Variants in SSBP2 observed in about 807,000 individuals in gnomAD.
The protein encoded by SSBP2 is single-stranded DNA-binding protein 2.
SSBP2 carries 17 observed loss-of-function variants against 61.8 expected under a neutral mutation model. That is an observed-to-expected ratio of 0.28 (90% confidence interval 0.19 to 0.41). SSBP2 has a LOEUF of 0.41. Among genes scored for constraint, SSBP2 ranks in the 10% least tolerant of loss-of-function variants. The pLI is 1.00. For missense variants in SSBP2, 310 were observed against 458.7 expected (o/e 0.68, Z 2.96); for synonymous variants, 139 against 141.3 (o/e 0.98, Z 0.12).
chr5:81,683,795 T>C (rs926235263), intron 1 of SSBP2, among the ~76,000 whole-genome samples: 2 of 151,984 alleles, frequency 1.3e-5, no homozygotes, highest in African/African-American at 2.4e-5. Context: ...GATTAAAAAA[T>C]GAACAAAAAA....
intron 1 of SSBP2, among the ~76,000 whole-genome samples, chr5:81,722,124 G>T (rs967636875): frequency 2.6e-5 from 4 of 151,972 alleles, no homozygotes; most frequent in African/African-American, 9.7e-5. Flanking sequence ...TTTTCTAAAA[G>T]ATTTTACAAA....
intron 1 of SSBP2, among the ~76,000 whole-genome samples, chr5:81,701,135 T>G (rs1266542314): frequency 6.6e-6 from 1 of 152,252 alleles, no homozygotes; most frequent in Admixed American, 6.5e-5. Context: ...GACATATGAT[T>G]CTTCCTTTCA....
chr5:81,450,520 C>T (rs1413293712), intron 10 of SSBP2, among the ~76,000 whole-genome samples: 1 of 152,206 alleles, frequency 6.6e-6, no homozygotes, highest in Non-Finnish European at 1.5e-5. Flanking sequence ...TTGCAGTTCA[C>T]CGCCTTGCTT....
At chr5:81,493,471 G>A (rs1034778217) in intron 5 of SSBP2, among the ~76,000 whole-genome samples, 9 of 151,772 alleles carry the variant, frequency 5.9e-5, no homozygotes, top group Non-Finnish European at 1.3e-4. Context: ...AAAAAAAATT[G>A]CAGGCCGGAC....
intron 1 of SSBP2, among the ~76,000 whole-genome samples, chr5:81,738,493 A>G (rs949252514): frequency 6.6e-6 from 1 of 152,150 alleles, no homozygotes; most frequent in South Asian, 2.1e-4. Flanking sequence ...AAAGCTACAT[A>G]TCCAAGTTCC....
chr5:81,668,261 A>AG (rs1303936609), intron 1 of SSBP2, among the ~76,000 whole-genome samples: 1 of 149,872 alleles, frequency 6.7e-6, no homozygotes, highest in Non-Finnish European at 1.5e-5. Context: ...AAAAAAAAAA[A>AG]AAAAAAAAAA....
chr5:81,708,316 A>G (rs1754540143), intron 1 of SSBP2, among the ~76,000 whole-genome samples: 1 of 152,168 alleles, frequency 6.6e-6, no homozygotes, highest in African/African-American at 2.4e-5. Context: ...CAGCAGATAC[A>G]TATCTTTGTA....
intron 8 of SSBP2, 111 bp downstream of exon 8, chr5:81,473,589 A>G (rs1580773746): frequency 2.2e-6 from 2 of 914,170 alleles, no homozygotes; most frequent in East Asian, 2.5e-5. Context: ...TTATGGCTGC[A>G]TAGTATTCCA....
chr5:81,430,225 T>C (rs1054398291), intron 15 of SSBP2, among the ~76,000 whole-genome samples: 5 of 152,180 alleles, frequency 3.3e-5, no homozygotes, highest in Non-Finnish European at 7.4e-5. Context: ...TAAAAAATAT[T>C]GTAAGATTTA....
chr5:81,712,732 T>TG (rs1270769470), intron 1 of SSBP2, among the ~76,000 whole-genome samples: 1 of 150,492 alleles, frequency 6.6e-6, no homozygotes, highest in African/African-American at 2.5e-5. Context: ...TTCTTTGTTT[T>TG]TTTTTTTTTG....
At chr5:81,426,209 AT>A (rs1203170873) in intron 16 of SSBP2, among the ~76,000 whole-genome samples, 3 of 152,102 alleles carry the variant, frequency 2.0e-5, no homozygotes, top group African/African-American at 7.2e-5. Flanking sequence ...TTATTGCTTG[AT>A]TTTATAAAAA....
intron 10 of SSBP2, among the ~76,000 whole-genome samples, chr5:81,451,586 C>A (rs1763775890): frequency 6.6e-6 from 1 of 152,054 alleles, no homozygotes; most frequent in Non-Finnish European, 1.5e-5. Flanking sequence ...GCTATCACGC[C>A]CGGCTAATTT....
intron 5 of SSBP2, among the ~76,000 whole-genome samples, chr5:81,512,439 G>A (rs1184531297): frequency 6.6e-6 from 1 of 152,164 alleles, no homozygotes; most frequent in Non-Finnish European, 1.5e-5. Flanking sequence ...GTTGTTAAGT[G>A]TAAGCTTTTA....
At chr5:81,453,380 A>G (rs1763906340) in intron 10 of SSBP2, among the ~76,000 whole-genome samples, 1 of 152,174 alleles carries the variant, frequency 6.6e-6, no homozygotes, top group Non-Finnish European at 1.5e-5. Flanking sequence ...GAAAAATATA[A>G]AAAGTCAAGC....
intron 9 of SSBP2, among the ~76,000 whole-genome samples, chr5:81,466,508 ATATG>A (rs528723055): frequency 6.6e-6 from 1 of 152,050 alleles, no homozygotes; most frequent in East Asian, 1.9e-4. Context: ...AAAAGTAGAG[ATATG>A]TATGTATTTA....
chr5:81,478,839 T>C (rs1044487348), intron 6 of SSBP2, among the ~76,000 whole-genome samples: 3 of 152,214 alleles, frequency 2.0e-5, no homozygotes, highest in Admixed American at 1.3e-4. Context: ...ACTTAACTTC[T>C]GTCTCATTAT....
At chr5:81,547,203 T>C (rs1449737502) in intron 4 of SSBP2, among the ~76,000 whole-genome samples, 3 of 152,086 alleles carry the variant, frequency 2.0e-5, no homozygotes, top group African/African-American at 4.8e-5. Context: ...AGTTTGGCAG[T>C]TTCTTACAAA....
At chr5:81,531,613 A>C (rs539672056) in intron 4 of SSBP2, among the ~76,000 whole-genome samples, 1 of 152,222 alleles carries the variant, frequency 6.6e-6, no homozygotes, top group Non-Finnish European at 1.5e-5. Context: ...GCTAGATTAC[A>C]ATATATGAAG....
intron 4 of SSBP2, among the ~76,000 whole-genome samples, chr5:81,553,691 AAT>A (rs1242889914): frequency 1.3e-5 from 2 of 152,172 alleles, no homozygotes; most frequent in African/African-American, 4.8e-5. Context: ...GGCAGCAGGA[AAT>A]AGAGGCAGCA....
Sources: gnomAD v4.1 joint callset for allele counts (sites outside exome capture counted in the v4.1 genomes callset) on GRCh38, gnomAD v4.1.1 for gene constraint, MANE v1.5 for transcripts, NCBI Gene and HGNC (gene_info 2026-07-23, HGNC 2026-07-21) for gene names.